The following DAB1 variants were observed in gnomAD, a reference collection of about 807,000 sequenced individuals.
DAB1 encodes the protein disabled homolog 1.
A neutral mutation model predicts 64.6 loss-of-function variants in DAB1; 15 were observed. The ratio of observed to expected loss-of-function variants is 0.23; its 90% CI spans 0.16 to 0.36. The LOEUF (loss-of-function observed/expected upper bound fraction) is 0.36. Among genes scored for constraint, DAB1 ranks in the 10% least tolerant of loss-of-function variants. The probability of loss-of-function intolerance (pLI) is 1.00; values close to 1 mark genes in which losing one functional copy is unlikely to be tolerated. For synonymous variants in DAB1, 235 were observed against 251.9 expected (o/e 0.93, Z 0.64); for missense variants, 596 against 706.7 (o/e 0.84, Z 1.78).
At chr1:58,020,079 CT>C (rs1646794866) in intron 5 of DAB1, among the ~76,000 whole-genome samples, 1 of 152,172 alleles carries the variant, frequency 6.6e-6, no homozygotes, top group African/African-American at 2.4e-5. Flanking sequence ...GTGTTTTAAT[CT>C]TTTGATGACC....
intron 2 of DAB1, among the ~76,000 whole-genome samples, chr1:57,176,477 AG>A (rs1662327605): frequency 6.6e-6 from 1 of 152,110 alleles, no homozygotes; most frequent in Non-Finnish European, 1.5e-5. Context: ...ACCTCCCACC[AG>A]GTTCCTCCCA....
At chr1:58,118,521 C>CACACACACAT (rs1491324385) in intron 5 of DAB1, among the ~76,000 whole-genome samples, 2 of 98,958 alleles carry the variant, frequency 2.0e-5, no homozygotes, top group South Asian at 6.5e-4. Context: ...CACACACACA[C>CACACACACAT]ATATATATAT....
At chr1:57,988,767 TC>T (rs1158365567) in intron 5 of DAB1, among the ~76,000 whole-genome samples, 2 of 152,122 alleles carry the variant, frequency 1.3e-5, no homozygotes, top group African/African-American at 4.8e-5. Context: ...TCCTTAGCCT[TC>T]CAATTCCTTA....
chr1:57,681,393 C>G (rs1018674707), intron 6 of DAB1, among the ~76,000 whole-genome samples: 8 of 152,156 alleles, frequency 5.3e-5, no homozygotes, highest in Admixed American at 2.6e-4. Flanking sequence ...AGGTCATTTT[C>G]TAAGGTACTG....
intron 1 of DAB1, among the ~76,000 whole-genome samples, chr1:57,339,683 C>A (rs1459216336): frequency 5.9e-5 from 9 of 152,168 alleles, no homozygotes; most frequent in Non-Finnish European, 1.0e-4. Context: ...AAAATCCAAC[C>A]AGTATTTGCT....
intron 1 of DAB1, among the ~76,000 whole-genome samples, chr1:58,528,255 A>T (rs1488069660): frequency 6.6e-6 from 1 of 152,222 alleles, no homozygotes; most frequent in East Asian, 1.9e-4. Flanking sequence ...CTGTGGCTTT[A>T]AAAAGAGAGA....
intron 7 of DAB1, among the ~76,000 whole-genome samples, chr1:57,482,678 CTTA>C (rs1644038710): frequency 6.6e-6 from 1 of 152,120 alleles, no homozygotes; most frequent in African/African-American, 2.4e-5. Flanking sequence ...TCCTATAAAT[CTTA>C]TTCCATTTGC....
At chr1:58,062,030 A>G (rs78029659) in intron 5 of DAB1, among the ~76,000 whole-genome samples, 4 of 152,338 alleles carry the variant, frequency 2.6e-5, no homozygotes, top group African/African-American at 9.6e-5. Context: ...GCCCCAAAAA[A>G]TCATTTTGCT....
intron 1 of DAB1, among the ~76,000 whole-genome samples, chr1:57,405,224 T>C (rs1444435435): frequency 6.6e-6 from 1 of 152,168 alleles, no homozygotes; most frequent in African/African-American, 2.4e-5. Context: ...ACCCCAGAAT[T>C]GCCATGGACA....
intron 1 of DAB1, among the ~76,000 whole-genome samples, chr1:57,354,189 C>T (rs1678867461): frequency 6.6e-6 from 1 of 152,026 alleles, no homozygotes; most frequent in Non-Finnish European, 1.5e-5. Flanking sequence ...CTCACTGAAA[C>T]ATTACATACA....
At chr1:58,408,686 A>C (rs1299132148) in intron 3 of DAB1, among the ~76,000 whole-genome samples, 1 of 152,210 alleles carries the variant, frequency 6.6e-6, no homozygotes, top group Admixed American at 6.5e-5. Context: ...GATATTTAAG[A>C]ATTTTGACTC....
chr1:57,134,586 G>A (rs1186141062), intron 4 of DAB1, among the ~76,000 whole-genome samples: 1 of 136,512 alleles, frequency 7.3e-6, no homozygotes. Context: ...TTAGTACCTA[G>A]CTGACAGAAT....
intron 1 of DAB1, among the ~76,000 whole-genome samples, chr1:57,411,488 T>C (rs186840628): frequency 7.9e-5 from 12 of 152,270 alleles, no homozygotes; most frequent in Admixed American, 2.6e-4. Flanking sequence ...AATGCCAGAG[T>C]AGTGTGTCAG....
chr1:57,815,113 C>T (rs1283775593), intron 6 of DAB1, among the ~76,000 whole-genome samples: 1 of 151,374 alleles, frequency 6.6e-6, no homozygotes, highest in African/African-American at 2.4e-5. Context: ...GCTCTGTTGC[C>T]CAGGCTGGTG....
intron 4 of DAB1, among the ~76,000 whole-genome samples, chr1:58,274,944 A>G (rs1029336747): frequency 7.1e-6 from 1 of 140,116 alleles, no homozygotes; most frequent in Non-Finnish European, 1.5e-5. Flanking sequence ...CCTCAGATGG[A>G]AATGCAGAAA....
chr1:57,278,573 G>A (rs1671651655), intron 2 of DAB1, among the ~76,000 whole-genome samples: 1 of 152,162 alleles, frequency 6.6e-6, no homozygotes, highest in East Asian at 1.9e-4. Context: ...TTAATTCCAT[G>A]GAAGGAGAGG....
chr1:57,746,668 CG>C (rs1373497276), intron 6 of DAB1, among the ~76,000 whole-genome samples: 1 of 152,034 alleles, frequency 6.6e-6, no homozygotes, highest in Non-Finnish European at 1.5e-5. Context: ...GATATCCTTC[CG>C]TATACTTTAA....
At chr1:57,900,046 C>T (rs1193741816) in intron 5 of DAB1, among the ~76,000 whole-genome samples, 1 of 151,916 alleles carries the variant, frequency 6.6e-6, no homozygotes, top group African/African-American at 2.4e-5. Flanking sequence ...TCAAGCTGTC[C>T]TCCCATTTCG....
chr1:57,983,311 G>C (rs925978061), intron 5 of DAB1, among the ~76,000 whole-genome samples: 8 of 152,170 alleles, frequency 5.3e-5, no homozygotes, highest in African/African-American at 1.9e-4. Flanking sequence ...GCTTGTGGTA[G>C]AATAAGAACC....
Sources: gnomAD v4.1 joint callset for allele counts (sites outside exome capture counted in the v4.1 genomes callset) on GRCh38, gnomAD v4.1.1 for gene constraint, MANE v1.5 for transcripts, NCBI Gene and HGNC (gene_info 2026-07-23, HGNC 2026-07-21) for gene names.